Variants in FGD6 observed in about 807,000 individuals in gnomAD.
FGD6 encodes the protein FYVE, RhoGEF and PH domain-containing protein 6.
FGD6 carries 90 observed loss-of-function variants against 149.4 expected under a neutral mutation model. The observed-to-expected ratio is 0.60, with a 90% CI of 0.51 to 0.72. FGD6 has a LOEUF of 0.72. FGD6 is among the 30% of genes least tolerant of loss of function. FGD6 has a pLI of 0.00. For missense variants in FGD6, 1,437 were observed against 1,684.8 expected, an observed-to-expected ratio of 0.85 and a Z score of 2.57; for synonymous variants, 527 against 584.0, an observed-to-expected ratio of 0.90 and a Z score of 1.41.
At chr12:95,139,267 T>A (rs1429421545) in intron 6 of FGD6, among the ~76,000 whole-genome samples, 1 of 152,028 alleles carries the variant, frequency 6.6e-6, no homozygotes, top group Non-Finnish European at 1.5e-5. Context: ...CAGGGCAACC[T>A]GTCTCTACAA....
At chr12:95,143,489 G>A (rs1879917289) in intron 5 of FGD6, among the ~76,000 whole-genome samples, 1 of 152,022 alleles carries the variant, frequency 6.6e-6, no homozygotes, top group South Asian at 2.1e-4. Context: ...TTAGCCCAAA[G>A]GAGCCAACTA....
chr12:95,216,400 C>G (rs1321286065), intron 1 of FGD6, among the ~76,000 whole-genome samples: 1 of 152,170 alleles, frequency 6.6e-6, no homozygotes, highest in Non-Finnish European at 1.5e-5. Context: ...TAACACTCTA[C>G]TTAATACATA....
At chr12:95,214,941 C>A (rs979769708) in intron 1 of FGD6, among the ~76,000 whole-genome samples, 7 of 149,848 alleles carry the variant, frequency 4.7e-5, no homozygotes, top group Non-Finnish European at 8.9e-5. Flanking sequence ...CGGCTCACCA[C>A]AACCTCCGCC....
At chr12:95,172,857 A>C in intron 2 of FGD6, 113 bp from the exon 3 acceptor site, 1 of 836,052 alleles carries the variant, frequency 1.2e-6, no homozygotes, top group South Asian at 4.0e-5. Flanking sequence ...TATCTAAGGG[A>C]TGTGGAAGAA....
chr12:95,141,459 T>C lies in FGD6; in HGVS notation c.2766A>G (p.Leu922=). 3 of 1,614,184 alleles carry C rather than the reference T, an allele frequency of 1.9e-6. No homozygotes were observed. The highest frequency in any genetic ancestry group is 2.5e-6 in the Non-Finnish European group (3 of 1,180,028). ...VIEDRILNQI[L]YYLPQLYELN... ...GCTCATACAGCTGAGGCAAGTAGTA[T>C]AGGATCTGATTTAGAATCCGGTCCT... Residue 922 remains leucine, a synonymous_variant, in exon 6 of 21, where the codon CTA becomes CTG. Coordinates refer to ENST00000343958, the MANE Select transcript of FGD6 (RefSeq NM_018351.4).
chr12:95,164,246 C>CTTT (rs540227306), intron 3 of FGD6, among the ~76,000 whole-genome samples: 4 of 140,482 alleles, frequency 2.8e-5, no homozygotes, highest in East Asian at 2.1e-4. Flanking sequence ...TTTTTCCTTC[C>CTTT]TTTTTTTTTT....
intron 3 of FGD6, among the ~76,000 whole-genome samples, chr12:95,158,006 C>T (rs899004268): frequency 2.6e-5 from 4 of 151,956 alleles, no homozygotes; most frequent in Non-Finnish European, 5.9e-5. Context: ...CACTACTACA[C>T]TCAGCTAATT....
chr12:95,189,274 A>G (rs1003438119), intron 2 of FGD6: 4 of 152,244 alleles, frequency 2.6e-5, no homozygotes, highest in African/African-American at 9.6e-5. Flanking sequence ...AGAGTACAAA[A>G]GAGCACACAA....
Position 95,093,544 on chromosome 12 carries a change from C to T in FGD6, c.3601-699G>A, listed in dbSNP as rs142005615. On this transcript the variant is annotated intron_variant, in intron 15 of 20. Transcript: ENST00000343958. ...AAAATAACGACAATTAGCATGGTGG[C>T]GCATGCCTGTAATCCCAGCTACTCA... Among the ~76,000 whole-genome samples the T allele has an allele frequency of 2.7e-3, 417 of 151,998 alleles. 4 individuals are homozygous for T. The highest frequency in any genetic ancestry group is 5.1e-3 in the Admixed American group (78 of 15,274).
intron 3 of FGD6, among the ~76,000 whole-genome samples, chr12:95,166,634 T>C (rs1880826240): frequency 6.6e-6 from 1 of 151,766 alleles, no homozygotes; most frequent in African/African-American, 2.4e-5. Context: ...GTCAAGGAGG[T>C]TGAAGCTGCA....
At chr12:95,171,585 G>A (rs1002427488) in intron 3 of FGD6, among the ~76,000 whole-genome samples, 2 of 152,074 alleles carry the variant, frequency 1.3e-5, no homozygotes, top group Non-Finnish European at 2.9e-5. Context: ...GCGTGATCTC[G>A]GCTCACTGCA....
chr12:95,200,129 A>C (rs182721152), intron 2 of FGD6, among the ~76,000 whole-genome samples: 1 of 152,324 alleles, frequency 6.6e-6, no homozygotes, highest in Non-Finnish European at 1.5e-5. Context: ...CTAATGTTTC[A>C]TACGATACTA....
chr12:95,126,272 G>T, intron 8 of FGD6: 1 of 1,368,770 alleles, frequency 7.3e-7, no homozygotes, highest in Non-Finnish European at 1.0e-6. Flanking sequence ...CTCCAGCCCA[G>T]AAGGTTCCTG....
At chr12:95,092,945 G>A in intron 15 of FGD6, 100 bp from the exon 16 acceptor site, 2 of 1,344,436 alleles carry the variant, frequency 1.5e-6, no homozygotes, top group East Asian at 2.5e-5. Flanking sequence ...TGAGGGTCAG[G>A]CACAGCAGCT....
intron 20 of FGD6, among the ~76,000 whole-genome samples, chr12:95,082,648 C>A (rs571264119): frequency 1.7e-5 from 2 of 115,532 alleles, no homozygotes; most frequent in Admixed American, 1.0e-4. Flanking sequence ...CAGAGCGAGA[C>A]TGTCTCAAAA....
chr12:95,116,755 TCCATCCATCCATCAAC>T, intron 8 of FGD6: 1 of 446,766 alleles, frequency 2.2e-6, no homozygotes, highest in Non-Finnish European at 4.5e-6. Context: ...TATCCATCCA[TCCATCCATCCATCAAC>T]CCATCCATCC....
Position 95,208,962 on chromosome 12 carries a change from CTCTTGAG to C in FGD6, c.2315_2321del (p.Thr772SerfsTer20). ...TGCTGCTGGAATTCTGCCATTCCAA[CTCTTGAG>C]TTTTCCGTATAGCCATAATAAATGG... On this transcript the variant is annotated frameshift_variant, in exon 2 of 21. Transcript: ENST00000343958. LOFTEE classifies it high-confidence loss of function. The C allele has an allele frequency of 6.2e-7, 1 of 1,614,146 alleles. No homozygotes were observed. The highest frequency in any genetic ancestry group is 8.5e-7 in the Non-Finnish European group (1 of 1,180,026).
chr12:95,208,852 T>C lies in FGD6; in HGVS notation c.2432A>G (p.Gln811Arg), dbSNP rs1250842882. 1 of 1,611,804 alleles carries C rather than the reference T, an allele frequency of 6.2e-7. No individual in the cohort carries two copies. Among genetic ancestry groups the C allele is most frequent in the Admixed American group, 1.7e-5 (1 of 59,856 alleles). ...DGQLQLGPRH[Q>R]HSSSGASQEE... is the part of the protein sequence containing the mutation. ...GTCTGGCACCTGTTACCTGGAATGC[T>C]GATGTCTGGGTCCAAGCTGCAGCTG... Residue 811 changes from glutamine (Q) to arginine (R), a missense_variant, in exon 2 of 21, where the codon CAG becomes CGG. Gln to Arg is a conservative substitution (Grantham distance 43). Transcript: ENST00000343958.
At chr12:95,094,138 A>G (rs1434026877) in intron 15 of FGD6, among the ~76,000 whole-genome samples, 1 of 152,006 alleles carries the variant, frequency 6.6e-6, no homozygotes, top group Non-Finnish European at 1.5e-5. Flanking sequence ...CAGCCTGGGC[A>G]ATAAGAGTGA....
Sources: gnomAD v4.1 joint callset for allele counts (sites outside exome capture counted in the v4.1 genomes callset) on GRCh38, gnomAD v4.1.1 for gene constraint, MANE v1.5 for transcripts, NCBI Gene and HGNC (gene_info 2026-07-23, HGNC 2026-07-21) for gene names.